Variants in SPIRE1 observed in about 807,000 individuals in gnomAD.
SPIRE1 encodes the protein spire type actin nucleation factor 1, also known as protein spire homolog 1.
SPIRE1 carries 40 observed loss-of-function variants against 94.1 expected under a neutral mutation model. The ratio of observed to expected loss-of-function variants is 0.43; its 90% confidence interval spans 0.33 to 0.55. The LOEUF is 0.55. Ranked by LOEUF, SPIRE1 falls within the 20% of genes least tolerant of loss-of-function variation. SPIRE1 has a pLI of 0.06. For missense variants in SPIRE1, 838 were observed against 975.2 expected, an observed-to-expected ratio of 0.86 and a Z score of 1.87; for synonymous variants, 376 against 371.7, an observed-to-expected ratio of 1.01 and a Z score of -0.13.
Position 12,615,345 on chromosome 18 carries a change from A to AAT in SPIRE1, c.372+19715_372+19716dup, listed in dbSNP as rs71174107. 5.2e-3 allele frequency among the ~76,000 whole-genome samples: 89 copies of AAT among 17,228 alleles called. 7 individuals carry two copies. Among genetic ancestry groups the AAT allele is most frequent in the East Asian group, 0.012 (7 of 588 alleles). 11.3% of individuals were successfully genotyped at this position (17,228 alleles called of 152,430 possible). On this transcript the variant is annotated intron_variant, in intron 2 of 16. Transcript: ENST00000409402. ...TCTGTCTCAAAAAAAAAAAAAAAAAAATATATATATATATATATATATATA... is the reference window on the plus strand; with the variant it reads ...TCTGTCTCAAAAAAAAAAAAAAAAAAATATATATATATATATATATATATATA...
Position 12,582,249 on chromosome 18 carries a change from A to C in SPIRE1, c.373-35345T>G, listed in dbSNP as rs149724079. On this transcript the variant is annotated intron_variant, in intron 2 of 16. Coordinates refer to ENST00000409402, the MANE Select transcript of SPIRE1 (RefSeq NM_001128626.2). ...GCTTCAATCCCCTTTGGTTATTTCCAATTATTTATATGGTTAATGAAAAGG... is the reference window on the plus strand; with the variant it reads ...GCTTCAATCCCCTTTGGTTATTTCCCATTATTTATATGGTTAATGAAAAGG... Among the ~76,000 whole-genome samples, 168 of 152,328 alleles carry C rather than the reference A, an allele frequency of 1.1e-3. 1 individual carries two copies. Among genetic ancestry groups the C allele is most frequent in the East Asian group, 6.9e-3 (36 of 5,190 alleles).
intron 2 of SPIRE1, among the ~76,000 whole-genome samples, chr18:12,624,165 G>T (rs866621320): frequency 6.6e-6 from 1 of 151,574 alleles, no homozygotes; most frequent in East Asian, 2.0e-4. Flanking sequence ...CAGGTGATCC[G>T]CCCGCCTCGG....
intron 1 of SPIRE1, among the ~76,000 whole-genome samples, chr18:12,654,755 C>T (rs1041198425): frequency 6.6e-6 from 1 of 151,882 alleles, no homozygotes; most frequent in Non-Finnish European, 1.5e-5. Flanking sequence ...AGAAGTCAGG[C>T]GCAGTGGCTC....
At chr18:12,525,512 C>A (rs1259883805) in intron 4 of SPIRE1, among the ~76,000 whole-genome samples, 4 of 151,188 alleles carry the variant, frequency 2.6e-5, no homozygotes, top group Non-Finnish European at 5.9e-5. Flanking sequence ...AAAATTATAC[C>A]CCTGAAATTC....
At chr18:12,537,111 C>T (rs1029029784) in intron 3 of SPIRE1, among the ~76,000 whole-genome samples, 3 of 152,096 alleles carry the variant, frequency 2.0e-5, no homozygotes, top group Non-Finnish European at 2.9e-5. Context: ...GAATAGGAAA[C>T]CTTCTTCACA....
chr18:12,592,223 A>T (rs994079683), intron 2 of SPIRE1, among the ~76,000 whole-genome samples: 2 of 152,190 alleles, frequency 1.3e-5, no homozygotes, highest in Middle Eastern at 3.4e-3. Flanking sequence ...AAAAGAGTTC[A>T]CCAGGATTTT....
chr18:12,647,575 C>A (rs1037372066), intron 1 of SPIRE1, among the ~76,000 whole-genome samples: 2 of 151,980 alleles, frequency 1.3e-5, no homozygotes, highest in African/African-American at 4.8e-5. Context: ...TAGTGAGAGA[C>A]CCTGTCTCTA....
chr18:12,512,598 C>A, intron 4 of SPIRE1, 67 bp from the exon 5 acceptor site: 1 of 974,888 alleles, frequency 1.0e-6, no homozygotes, highest in Non-Finnish European at 1.6e-6. Context: ...AAATTCCTAA[C>A]ATATCTTCAG....
In SPIRE1 at chr18:12,616,341, C is replaced by T. The variant is rs564391346; in HGVS notation, c.372+18721G>A. ...CCATAAGCCACGTGATCCTCGACTC[C>T]ATCTGGAGTGGAGAGTCTAGATATC... On this transcript the variant is annotated intron_variant, in intron 2 of 16. Transcript: ENST00000409402. Among the ~76,000 whole-genome samples the T allele has an allele frequency of 8.5e-5, 13 of 152,270 alleles. No individual in the cohort carries two copies. The East Asian group carries it at 2.1e-3, about 25-fold the overall frequency.
chr18:12,592,682 T>C (rs1438814583), intron 2 of SPIRE1, among the ~76,000 whole-genome samples: 1 of 152,208 alleles, frequency 6.6e-6, no homozygotes, highest in Non-Finnish European at 1.5e-5. Flanking sequence ...CTGATTATCA[T>C]TCAATATCGC....
intron 10 of SPIRE1, among the ~76,000 whole-genome samples, chr18:12,466,957 A>G (rs557604685): frequency 1.3e-5 from 2 of 152,282 alleles, no homozygotes; most frequent in South Asian, 4.1e-4. Flanking sequence ...GGGCGGAAAA[A>G]AAGGCCACGT....
At chr18:12,626,886 A>ATATATATATATATATTTTTT (rs55915333) in intron 2 of SPIRE1, among the ~76,000 whole-genome samples, 2 of 111,892 alleles carry the variant, frequency 1.8e-5, no homozygotes, top group African/African-American at 6.1e-5. Flanking sequence ...ATATATATAT[A>ATATATATATATATATTTTTT]TTTTTTTTTT....
intron 2 of SPIRE1, among the ~76,000 whole-genome samples, chr18:12,626,036 C>T (rs1471462835): frequency 6.4e-5 from 7 of 110,060 alleles, no homozygotes; most frequent in South Asian, 3.3e-4. Context: ...TTCCCCACAC[C>T]GCCCCGCCCC....
rs1254258354 is a variant in SPIRE1, at chr18:12,559,192, G to A, written c.373-12288C>T. Among the ~76,000 whole-genome samples the A allele has an allele frequency of 6.6e-6, 1 of 151,540 alleles. No homozygotes were observed. The highest frequency in any genetic ancestry group is 1.9e-4 in the East Asian group (1 of 5,144). ...AGCCCACGGGGTGGGGTGGGGTGGG[G>A]GGGCGCCGGCATGGCAGGCTGCAGG... On this transcript the variant is annotated intron_variant, in intron 2 of 16. Transcript: ENST00000409402. This position sits in a 1 kb window ranked among gnomAD's most constrained non-coding sequence, Gnocchi z 4.7.
At chr18:12,634,849 C>T (rs574456025) in intron 2 of SPIRE1, among the ~76,000 whole-genome samples, 3 of 151,682 alleles carry the variant, frequency 2.0e-5, no homozygotes, top group African/African-American at 4.8e-5. Context: ...GCGGGAGAAT[C>T]GCTTGAACTC....
At chr18:12,573,075 A>AC (rs1313397409) in intron 2 of SPIRE1, among the ~76,000 whole-genome samples, 1 of 152,210 alleles carries the variant, frequency 6.6e-6, no homozygotes, top group Non-Finnish European at 1.5e-5. Flanking sequence ...ACTGGAAGAA[A>AC]ATATCTGCAG....
At chr18:12,528,429 A>ATT (rs2144148284) in intron 4 of SPIRE1, among the ~76,000 whole-genome samples, 1 of 152,360 alleles carries the variant, frequency 6.6e-6, no homozygotes, top group East Asian at 1.9e-4. Flanking sequence ...GTAGATAGAC[A>ATT]TTTGAGTTAG....
intron 4 of SPIRE1, among the ~76,000 whole-genome samples, chr18:12,514,451 G>T (rs980371861): frequency 6.6e-6 from 1 of 151,466 alleles, no homozygotes; most frequent in Non-Finnish European, 1.5e-5. Context: ...TAGGAAAGAA[G>T]AATTTTTTTT....
chr18:12,535,656 G>A (rs2034818427), intron 3 of SPIRE1, 55 bp from the exon 4 acceptor site: 3 of 1,548,262 alleles, frequency 1.9e-6, no homozygotes, highest in African/African-American at 2.7e-5. Context: ...GGTTTTTTTT[G>A]TACTTAAAAA....
Sources: gnomAD v4.1 joint callset for allele counts (sites outside exome capture counted in the v4.1 genomes callset) on GRCh38, gnomAD v4.1.1 for gene constraint, Gnocchi (gnomAD v3.1) non-coding constraint, MANE v1.5 for transcripts, NCBI Gene and HGNC (gene_info 2026-07-23, HGNC 2026-07-21) for gene names.